WFDC8: variants seen among roughly 807,000 people sequenced by gnomAD.
WFDC8 encodes WAP four-disulfide core domain 8, also known as WAP four-disulfide core domain protein 8.
Under a neutral mutation model 27.0 loss-of-function variants are expected in WFDC8, and 24 were observed. The ratio of observed to expected loss-of-function variants is 0.89; its 90% CI spans 0.64 to 1.25. The LOEUF (loss-of-function observed/expected upper bound fraction) is 1.25, where lower values mean the gene tolerates loss of function less well. Among genes scored for constraint, WFDC8 ranks in the 50% most tolerant of loss-of-function variants. WFDC8 has a pLI of 0.00. For missense variants in WFDC8, 287 were observed against 295.9 expected, an observed-to-expected ratio of 0.97 and a Z score of 0.22; for synonymous variants, 106 against 99.7, an observed-to-expected ratio of 1.06 and a Z score of -0.38.
chr20:45,567,677 T>A (rs1479088287), intron 1 of WFDC8, among the ~76,000 whole-genome samples: 1 of 152,208 alleles, frequency 6.6e-6, no homozygotes, highest in Non-Finnish European at 1.5e-5. Flanking sequence ...CCACCGCCAC[T>A]GAATTTCTTA....
chr20:45,553,377 A>G (rs1348810033), intron 4 of WFDC8, 101 bp from the exon 5 acceptor site: 14 of 1,438,358 alleles, frequency 9.7e-6, no homozygotes, highest in African/African-American at 1.4e-5. Context: ...CCTTTCTGCA[A>G]CTTGGTTCAC....
intron 1 of WFDC8, among the ~76,000 whole-genome samples, chr20:45,565,683 AC>A (rs1980652809): frequency 1.3e-5 from 2 of 152,208 alleles, no homozygotes; most frequent in Non-Finnish European, 2.9e-5. Flanking sequence ...AGGGGTCAGC[AC>A]CGGTTTCATT....
chr20:45,560,703 A>G (rs900374152), intron 2 of WFDC8, among the ~76,000 whole-genome samples: 4 of 152,244 alleles, frequency 2.6e-5, no homozygotes, highest in Non-Finnish European at 5.9e-5. Flanking sequence ...TCCAGGACTC[A>G]CTTCAGGAGC....
At chr20:45,577,385 T>C (rs1343967916) in intron 1 of WFDC8, among the ~76,000 whole-genome samples, 1 of 150,872 alleles carries the variant, frequency 6.6e-6, no homozygotes, top group Non-Finnish European at 1.5e-5. Flanking sequence ...GAAACAATAA[T>C]ATATATTACA....
intron 1 of WFDC8, among the ~76,000 whole-genome samples, chr20:45,570,593 C>A (rs1479786032): frequency 1.3e-5 from 2 of 151,986 alleles, no homozygotes; most frequent in African/African-American, 4.8e-5. Context: ...CAGTTTGGGG[C>A]AATTATGAAT....
In WFDC8 at chr20:45,555,765, G is replaced by A; in HGVS notation, c.381C>T (p.Gly127=). Residue 127 remains glycine, a synonymous_variant, in exon 4 of 6, where the codon GGC becomes GGT. Transcript: ENST00000289953. ...AGAAGTTGTTGGCATTCCCTTCGCA[G>A]CCCCTGTATTTGAAGGGTGTGCAGC... ...NYRCTPFKYR[G]CEGNANNFLN... is the part of the protein sequence containing the mutation. The A allele has an allele frequency of 1.9e-6, 3 of 1,613,508 alleles. No individual in the cohort carries two copies. Among genetic ancestry groups the A allele is most frequent in the Non-Finnish European group, 2.5e-6 (3 of 1,180,018 alleles).
intron 1 of WFDC8, among the ~76,000 whole-genome samples, chr20:45,567,546 G>C (rs1464967304): frequency 1.3e-5 from 2 of 152,190 alleles, no homozygotes; most frequent in African/African-American, 2.4e-5. Flanking sequence ...CTGAAACACA[G>C]AATACTGCTG....
chr20:45,573,209 C>T (rs991164877), intron 1 of WFDC8, among the ~76,000 whole-genome samples: 8 of 152,216 alleles, frequency 5.3e-5, no homozygotes, highest in African/African-American at 1.7e-4. Flanking sequence ...TGTAATGGAG[C>T]TTTCCCCCTA....
At chr20:45,563,245 G>A (rs1322058569) in intron 1 of WFDC8, among the ~76,000 whole-genome samples, 1 of 152,126 alleles carries the variant, frequency 6.6e-6, no homozygotes, top group African/African-American at 2.4e-5. Flanking sequence ...TTTGGGCCTC[G>A]CTCAATCCCT....
chr20:45,561,736 T>C (rs1980474330), intron 2 of WFDC8, among the ~76,000 whole-genome samples: 1 of 78,570 alleles, frequency 1.3e-5, no homozygotes, highest in Non-Finnish European at 3.0e-5. Context: ...ACAATTAAAC[T>C]TGCGTGTGTG....
intron 4 of WFDC8, 121 bp from the exon 5 acceptor site, chr20:45,553,397 T>C: frequency 8.1e-7 from 1 of 1,228,922 alleles, no homozygotes; most frequent in Non-Finnish European, 1.1e-6. Flanking sequence ...CCCTACCCTA[T>C]CCATCTCCAG....
chr20:45,564,307 C>T (rs1980569602), intron 1 of WFDC8, among the ~76,000 whole-genome samples: 1 of 152,248 alleles, frequency 6.6e-6, no homozygotes, highest in Admixed American at 6.5e-5. Context: ...GGCACGGTGG[C>T]TCATGTTTGT....
At position 45,555,494 on chromosome 20, in the gene WFDC8, G is replaced by A. The variant is rs147937956; in HGVS notation, c.445+207C>T. On this transcript the variant is annotated intron_variant, in intron 4 of 5. Coordinates refer to ENST00000289953, the MANE Select transcript of WFDC8 (RefSeq NM_130896.3). ...ATTTTTTGGCAGAGCCACTCCATTA[G>A]GTAAATACTATTATTAACCTCATTC... is the stretch of plus-strand genomic sequence containing the variant. Among the ~76,000 whole-genome samples the A allele has an allele frequency of 2.8e-3, 423 of 152,198 alleles. 3 individuals carry two copies. The highest frequency in any genetic ancestry group is 9.3e-3 in the African/African-American group (385 of 41,508).
intron 2 of WFDC8, among the ~76,000 whole-genome samples, chr20:45,560,472 C>T (rs766087065): frequency 1.8e-4 from 27 of 152,194 alleles, no homozygotes; most frequent in Non-Finnish European, 3.5e-4. Flanking sequence ...GCTCATACAG[C>T]GCTTAATGTG....
At chr20:45,560,983 G>T (rs1327460728) in intron 2 of WFDC8, among the ~76,000 whole-genome samples, 1 of 152,188 alleles carries the variant, frequency 6.6e-6, no homozygotes, top group African/African-American at 2.4e-5. Context: ...CAGGAGATAG[G>T]CTGTTACTTG....
intron 1 of WFDC8, among the ~76,000 whole-genome samples, chr20:45,565,033 GAAGAAGA>G (rs369072013): frequency 5.0e-5 from 6 of 119,178 alleles, no homozygotes; most frequent in African/African-American, 6.1e-5. Flanking sequence ...AGGAAGGAAG[GAAGAAGA>G]AAGGAAGGAA....
chr20:45,574,526 G>A (rs1398414435), intron 1 of WFDC8, among the ~76,000 whole-genome samples: 2 of 152,298 alleles, frequency 1.3e-5, no homozygotes, highest in African/African-American at 4.8e-5. Context: ...CAAGCATGGT[G>A]GGTCACACCT....
rs1353255053 is a variant in WFDC8, at chr20:45,579,108, A to G, written c.26+114T>C. ...CTGTTCTGTGGAACCCCTCCTCACT[A>G]TGCTTGGCCCAACTCCCCACAGCCG... On this transcript the variant is annotated intron_variant, in intron 1 of 5. Coordinates refer to ENST00000289953, the MANE Select transcript of WFDC8 (RefSeq NM_130896.3). 1.6e-5 allele frequency: 16 copies of G among 989,170 alleles called. No individual in the cohort carries two copies. The Admixed American group carries it at 2.9e-4, about 18-fold the overall frequency. The allele number at this position is 989,170 out of a possible 1,614,324, so 61.3% of individuals were successfully genotyped here.
intron 1 of WFDC8, among the ~76,000 whole-genome samples, chr20:45,566,477 C>T (rs1319176905): frequency 6.6e-6 from 1 of 152,072 alleles, no homozygotes; most frequent in Non-Finnish European, 1.5e-5. Context: ...GCTTACCCAA[C>T]ATGGTTAAAC....
Sources: allele counts gnomAD v4.1 joint callset (sites outside exome capture counted in the v4.1 genomes callset), GRCh38; gene constraint gnomAD v4.1.1; transcripts MANE v1.5; gene names NCBI Gene and HGNC (gene_info 2026-07-23, HGNC 2026-07-21).